The following FGF12 variants were observed in gnomAD, a reference collection of about 807,000 sequenced individuals.
The protein encoded by FGF12 is fibroblast growth factor 12B.
A neutral mutation model predicts 23.6 loss-of-function variants in FGF12; 14 were observed. The ratio of observed to expected loss-of-function variants is 0.59; its 90% CI spans 0.39 to 0.93. The LOEUF (loss-of-function observed/expected upper bound fraction) is 0.93. FGF12 is among the 40% of genes least tolerant of loss of function. The probability of loss-of-function intolerance (pLI) is 0.00; values close to 1 mark genes in which losing one functional copy is unlikely to be tolerated. For missense variants in FGF12, 175 were observed against 217.8 expected, an observed-to-expected ratio of 0.80 and a Z score of 1.24; for synonymous variants, 62 against 77.3, an observed-to-expected ratio of 0.80 and a Z score of 1.04.
intron 4 of FGF12, among the ~76,000 whole-genome samples, chr3:192,251,398 A>G (rs962281001): frequency 6.6e-6 from 1 of 152,208 alleles, no homozygotes; most frequent in Non-Finnish European, 1.5e-5. Context: ...CAGGTGTATC[A>G]GTTGATTCAC....
chr3:192,244,995 ATACTCTTTTCTTT>A (rs1228956740), intron 4 of FGF12: 29 of 152,158 alleles, frequency 1.9e-4, no homozygotes, highest in African/African-American at 7.0e-4. Flanking sequence ...TGCAACTATG[ATACTCTTTTCTTT>A]TAAGTGTGAG....
chr3:192,616,367 A>G (rs1160348096), intron 2 of FGF12, among the ~76,000 whole-genome samples: 2 of 152,090 alleles, frequency 1.3e-5, no homozygotes, highest in Non-Finnish European at 2.9e-5. Flanking sequence ...AATCTAAGTT[A>G]GTTTATTGTT....
chr3:192,169,905 C>A (rs1442899172), intron 5 of FGF12, among the ~76,000 whole-genome samples: 1 of 148,788 alleles, frequency 6.7e-6, no homozygotes, highest in Non-Finnish European at 1.5e-5. Flanking sequence ...TAAATGATTA[C>A]GAGAGAAAAG....
At chr3:192,628,116 T>C (rs1439470651) in intron 2 of FGF12, among the ~76,000 whole-genome samples, 5 of 152,124 alleles carry the variant, frequency 3.3e-5, no homozygotes, top group Non-Finnish European at 4.4e-5. Flanking sequence ...TAACCTTTGG[T>C]GACTGGCTTT....
chr3:192,552,065 T>C (rs2108586509), intron 2 of FGF12, among the ~76,000 whole-genome samples: 1 of 152,126 alleles, frequency 6.6e-6, no homozygotes, highest in African/African-American at 2.4e-5. Context: ...TTGGGAAATC[T>C]CAGGAGAGAA....
At chr3:192,573,769 C>G (rs1475922799) in intron 2 of FGF12, among the ~76,000 whole-genome samples, 6 of 152,114 alleles carry the variant, frequency 3.9e-5, no homozygotes, top group Admixed American at 2.0e-4. Context: ...AAGAAACAAA[C>G]AGAGCAAGAA....
intron 2 of FGF12, among the ~76,000 whole-genome samples, chr3:192,700,601 A>C (rs35574764): frequency 0.031 from 4,797 of 152,336 alleles, 89 homozygotes; most frequent in Middle Eastern, 0.088. Context: ...AAAAGAGTCA[A>C]ACTTCCTTGA....
Position 192,164,782 on chromosome 3 carries a change from C to G in FGF12, c.427+5676G>C, listed in dbSNP as rs75062527. ...TTGGACTTACAGGGTTACAAAGATG[C>G]CTTTAAACATTACAAACAAAATAGT... On this transcript the variant is annotated intron_variant, in intron 5 of 5. Transcript: ENST00000445105. Among the ~76,000 whole-genome samples, 465 of 152,168 alleles carry G rather than the reference C, an allele frequency of 3.1e-3. 6 individuals are homozygous for G. Among genetic ancestry groups the G allele is most frequent in the African/African-American group, 8.4e-3 (348 of 41,516 alleles).
At chr3:192,550,508 T>C (rs963069214) in intron 2 of FGF12, among the ~76,000 whole-genome samples, 4 of 151,824 alleles carry the variant, frequency 2.6e-5, no homozygotes, top group African/African-American at 7.2e-5. Flanking sequence ...CCATGAACCA[T>C]GGTTCTCTGA....
rs140773517 is a variant in FGF12, at chr3:192,441,275, T to A, written c.14-80737A>T. Reference sequence around the variant, plus strand: ...ACAGCTTTCCTTATCTTTTTCTGAGTAAATGTTGGATAAATAAAGGCATGA... The same window carrying A: ...ACAGCTTTCCTTATCTTTTTCTGAGAAAATGTTGGATAAATAAAGGCATGA... On this transcript the variant is annotated intron_variant, in intron 2 of 5. Coordinates refer to ENST00000445105, the MANE Select transcript of FGF12 (RefSeq NM_004113.6). Among the ~76,000 whole-genome samples, 197 of 152,240 alleles carry A rather than the reference T, an allele frequency of 1.3e-3. 2 individuals are homozygous for A. The highest frequency in any genetic ancestry group is 4.6e-3 in the African/African-American group (191 of 41,540).
chr3:192,338,229 G>A (rs184156026), intron 3 of FGF12, among the ~76,000 whole-genome samples: 14 of 152,016 alleles, frequency 9.2e-5, no homozygotes, highest in African/African-American at 2.7e-4. Flanking sequence ...TATTATAGGC[G>A]CCTGCCACCA....
intron 4 of FGF12, among the ~76,000 whole-genome samples, chr3:192,253,689 A>G (rs1044970825): frequency 6.6e-5 from 10 of 152,052 alleles, no homozygotes; most frequent in Non-Finnish European, 1.3e-4. Flanking sequence ...GCCCTCTCAT[A>G]TCAATCCAGA....
intron 2 of FGF12, among the ~76,000 whole-genome samples, chr3:192,501,682 G>A (rs1724137721): frequency 6.6e-6 from 1 of 152,182 alleles, no homozygotes; most frequent in African/African-American, 2.4e-5. Context: ...AATTGCCAGA[G>A]AAGATAACCT....
At chr3:192,575,462 C>T (rs895709704) in intron 2 of FGF12, among the ~76,000 whole-genome samples, 1 of 151,922 alleles carries the variant, frequency 6.6e-6, no homozygotes, top group Non-Finnish European at 1.5e-5. Context: ...AGCCACAGTG[C>T]AGTGGAAGAA....
chr3:192,363,899 A>T (rs993144139), intron 2 of FGF12, among the ~76,000 whole-genome samples: 1 of 152,232 alleles, frequency 6.6e-6, no homozygotes, highest in Admixed American at 6.5e-5. Flanking sequence ...AAGAAAACGA[A>T]AACCTTTGCT....
Position 192,445,240 on chromosome 3 carries a change from C to T in FGF12, c.14-84702G>A, listed in dbSNP as rs150279756. Among the ~76,000 whole-genome samples, 351 of 152,288 alleles carry T rather than the reference C, an allele frequency of 2.3e-3. 1 individual carries two copies. The highest frequency in any genetic ancestry group is 4.0e-3 in the Non-Finnish European group (270 of 68,032). The stretch of plus-strand genomic sequence containing the variant: ...AACCTATACTTTTTTGTTGTAAGTG[C>T]AGCTTCTTAGGCCCTACCCAACATC... On this transcript the variant is annotated intron_variant, in intron 2 of 5. Transcript: ENST00000445105.
At chr3:192,526,007 C>T (rs143724328) in intron 2 of FGF12, among the ~76,000 whole-genome samples, 71 of 152,268 alleles carry the variant, frequency 4.7e-4, no homozygotes, top group African/African-American at 6.5e-4. Context: ...TTCCTGACTT[C>T]GTGATATGCC....
intron 2 of FGF12, among the ~76,000 whole-genome samples, chr3:192,565,631 C>A (rs1712239813): frequency 6.6e-6 from 1 of 152,194 alleles, no homozygotes. Context: ...AGTTGAATAG[C>A]AGGCAACAGC....
At chr3:192,437,164 G>A (rs1722051216) in intron 2 of FGF12, among the ~76,000 whole-genome samples, 1 of 152,040 alleles carries the variant, frequency 6.6e-6, no homozygotes. Flanking sequence ...GGAAAATGGA[G>A]GAAATAAAAG....
Sources: gnomAD v4.1 joint callset for allele counts (sites outside exome capture counted in the v4.1 genomes callset) on GRCh38, gnomAD v4.1.1 for gene constraint, MANE v1.5 for transcripts, NCBI Gene and HGNC (gene_info 2026-07-23, HGNC 2026-07-21) for gene names.